The following CCSER1 variants were observed in gnomAD, a reference collection of about 807,000 sequenced individuals.
CCSER1 encodes coiled-coil serine rich protein 1.
A neutral mutation model predicts 82.0 loss-of-function variants in CCSER1; 41 were observed. The observed-to-expected ratio is 0.50, with a 90% CI of 0.39 to 0.65. CCSER1 has a LOEUF of 0.65. Ranked by LOEUF, CCSER1 falls within the 30% of genes least tolerant of loss-of-function variation. The probability of loss-of-function intolerance (pLI) is 0.00; values close to 1 mark genes in which losing one functional copy is unlikely to be tolerated. For missense variants in CCSER1, 1,119 were observed against 1,064.2 expected (o/e 1.05, Z -0.72); for synonymous variants, 414 against 383.9 (o/e 1.08, Z -0.92).
At chr4:91,358,472 GCA>G (rs1252485711) in intron 10 of CCSER1, among the ~76,000 whole-genome samples, 1 of 149,632 alleles carries the variant, frequency 6.7e-6, no homozygotes, top group African/African-American at 2.5e-5. Flanking sequence ...GGTAAAGAGG[GCA>G]CACACACACT....
At chr4:90,224,707 A>G (rs906102058) in intron 1 of CCSER1, among the ~76,000 whole-genome samples, 5 of 152,198 alleles carry the variant, frequency 3.3e-5, no homozygotes, top group African/African-American at 1.2e-4. Context: ...AATGTTTGGC[A>G]TGTAATAGAC....
intron 6 of CCSER1, among the ~76,000 whole-genome samples, chr4:90,703,508 G>T (rs1368065841): frequency 6.6e-6 from 1 of 152,118 alleles, no homozygotes; most frequent in Non-Finnish European, 1.5e-5. Context: ...GTAGAGCTGA[G>T]TTCAATTCCT....
rs920707956 is a variant in CCSER1 at position 91,471,027 on chromosome 4, G to A, written c.2218-127545G>A. Among the ~76,000 whole-genome samples the A allele has an allele frequency of 2.0e-5, 3 of 152,264 alleles. No homozygotes were observed. In the East Asian group the frequency reaches 5.8e-4, roughly 29 times the overall value. On this transcript the variant is annotated intron_variant, in intron 10 of 10. Coordinates refer to ENST00000509176, the MANE Select transcript of CCSER1 (RefSeq NM_001145065.2). ...GGACTTTCAGATTGAAAGTCCGACT[G>A]TTAAATCTGTAGATGCAAAAAGCCT... is the stretch of plus-strand genomic sequence containing the variant.
intron 5 of CCSER1, among the ~76,000 whole-genome samples, chr4:90,606,650 T>C (rs981195868): frequency 2.0e-5 from 3 of 152,178 alleles, no homozygotes; most frequent in African/African-American, 4.8e-5. Flanking sequence ...TGAAGTACTG[T>C]GCATCATTTC....
chr4:90,267,650 T>C (rs1725482220), intron 1 of CCSER1, among the ~76,000 whole-genome samples: 1 of 152,140 alleles, frequency 6.6e-6, no homozygotes, highest in African/African-American at 2.4e-5. Flanking sequence ...AGAGAAGGAC[T>C]TCATTTGTTT....
intron 10 of CCSER1, among the ~76,000 whole-genome samples, chr4:91,265,793 A>C (rs1231732562): frequency 1.3e-5 from 2 of 152,224 alleles, no homozygotes; most frequent in African/African-American, 4.8e-5. Context: ...GAACACTGAA[A>C]AATTTTGGGA....
intron 9 of CCSER1, among the ~76,000 whole-genome samples, chr4:91,075,422 T>C (rs961677026): frequency 1.3e-5 from 2 of 152,160 alleles, no homozygotes; most frequent in East Asian, 1.9e-4. Context: ...TTTTTAAATA[T>C]GCTTTGCTCA....
rs183289643 is a variant in CCSER1, at chr4:91,503,733, A to G, written c.2218-94839A>G. 1.6e-3 allele frequency among the ~76,000 whole-genome samples: 239 copies of G among 152,310 alleles called. 1 individual carries two copies. The highest frequency in any genetic ancestry group is 5.5e-3 in the African/African-American group (227 of 41,570). On this transcript the variant is annotated intron_variant, in intron 10 of 10. Coordinates refer to ENST00000509176, the MANE Select transcript of CCSER1 (RefSeq NM_001145065.2). ...ATATGTGCGTAAAAAAACTTTTAAT[A>G]AAGTTTACAATTTAGACCAGAACTT... is the stretch of plus-strand genomic sequence containing the variant.
At chr4:90,295,101 T>A (rs563724765) in intron 1 of CCSER1, among the ~76,000 whole-genome samples, 29 of 151,992 alleles carry the variant, frequency 1.9e-4, no homozygotes, top group Non-Finnish European at 3.8e-4. Flanking sequence ...TTTTAAAAAT[T>A]CTCATATTAA....
At chr4:91,050,063 G>A (rs1372938839) in intron 9 of CCSER1, among the ~76,000 whole-genome samples, 1 of 152,096 alleles carries the variant, frequency 6.6e-6, no homozygotes, top group African/African-American at 2.4e-5. Flanking sequence ...CAATCAGTTA[G>A]AGTATTTCAT....
chr4:90,139,129 A>C (rs1724247707), intron 1 of CCSER1, among the ~76,000 whole-genome samples: 1 of 152,182 alleles, frequency 6.6e-6, no homozygotes, highest in Non-Finnish European at 1.5e-5. Context: ...CCAGATCTCC[A>C]ACCTGCCTCC....
intron 4 of CCSER1, among the ~76,000 whole-genome samples, chr4:90,414,887 G>A (rs1179969608): frequency 5.9e-5 from 9 of 151,916 alleles, no homozygotes; most frequent in African/African-American, 2.2e-4. Flanking sequence ...TCTTTATGTA[G>A]TTTCACATTT....
intron 10 of CCSER1, among the ~76,000 whole-genome samples, chr4:91,377,903 A>G (rs1196169388): frequency 1.3e-5 from 2 of 152,188 alleles, no homozygotes; most frequent in Admixed American, 6.5e-5. Flanking sequence ...TAAGTCTTTA[A>G]TCCATCTTGA....
intron 3 of CCSER1, among the ~76,000 whole-genome samples, chr4:90,336,941 A>T (rs931196667): frequency 1.3e-5 from 2 of 152,224 alleles, no homozygotes; most frequent in African/African-American, 4.8e-5. Context: ...CCTAAAATCA[A>T]AGGTGAACAC....
chr4:91,210,749 G>A (rs1736750050), intron 10 of CCSER1, among the ~76,000 whole-genome samples: 1 of 151,826 alleles, frequency 6.6e-6, no homozygotes, highest in South Asian at 2.1e-4. Context: ...AATTTCCTCA[G>A]CTGAATCCAT....
chr4:91,221,707 AG>A (rs1201130412), intron 10 of CCSER1, among the ~76,000 whole-genome samples: 7 of 152,138 alleles, frequency 4.6e-5, no homozygotes, highest in Non-Finnish European at 5.9e-5. Context: ...TGAGGTTAAA[AG>A]ATGTTCAGGT....
rs577117143 is a variant in CCSER1 at position 90,156,128 on chromosome 4, G to A, written c.-42+28297G>A. On this transcript the variant is annotated intron_variant, in intron 1 of 10. Coordinates refer to ENST00000509176, the MANE Select transcript of CCSER1 (RefSeq NM_001145065.2). ...TTTATTTCTGCCTTCATTTCGTTAT[G>A]TACCCAGTAGTCATTCAGGAGCAGG... Among the ~76,000 whole-genome samples the A allele has an allele frequency of 7.4e-4, 113 of 152,200 alleles. 1 individual carries two copies. In the Middle Eastern group the frequency reaches 0.02, roughly 27 times the overall value.
chr4:90,569,705 C>T (rs951422232), intron 5 of CCSER1, among the ~76,000 whole-genome samples: 16 of 152,282 alleles, frequency 1.1e-4, no homozygotes, highest in African/African-American at 3.6e-4. Flanking sequence ...TTCAGCAAAA[C>T]GTTACCATAG....
chr4:91,165,004 A>T (rs1026045595), intron 10 of CCSER1, among the ~76,000 whole-genome samples: 5 of 152,102 alleles, frequency 3.3e-5, no homozygotes, highest in Non-Finnish European at 5.9e-5. Flanking sequence ...TTTGAAGGAG[A>T]AGAGGTGCTC....
Sources: allele counts gnomAD v4.1 joint callset (sites outside exome capture counted in the v4.1 genomes callset), GRCh38; gene constraint gnomAD v4.1.1; transcripts MANE v1.5; gene names NCBI Gene and HGNC (gene_info 2026-07-23, HGNC 2026-07-21).